Variants in NAALADL2 observed in about 807,000 individuals in gnomAD.
NAALADL2 encodes the protein inactive N-acetylated-alpha-linked acidic dipeptidase-like protein 2.
A neutral mutation model predicts 87.2 loss-of-function variants in NAALADL2; 76 were observed. The ratio of observed to expected loss-of-function variants is 0.87; its 90% CI spans 0.72 to 1.05. The LOEUF is 1.05. Among genes scored for constraint, NAALADL2 ranks in the 50% least tolerant of loss-of-function variants. The pLI is 0.00. For missense variants in NAALADL2, 1,089 were observed against 945.8 expected (o/e 1.15, Z -1.99); for synonymous variants, 354 against 331.0 (o/e 1.07, Z -0.75).
At chr3:175,765,055 T>G (rs1748514237) in intron 13 of NAALADL2, among the ~76,000 whole-genome samples, 1 of 152,104 alleles carries the variant, frequency 6.6e-6, no homozygotes, top group East Asian at 1.9e-4. Context: ...TGCCTCTGAT[T>G]TCTTTAGACT....
At chr3:175,180,573 C>G (rs1736313450) in intron 2 of NAALADL2, among the ~76,000 whole-genome samples, 1 of 151,914 alleles carries the variant, frequency 6.6e-6, no homozygotes, top group African/African-American at 2.4e-5. Flanking sequence ...CACACTGTAT[C>G]TCTCTATTAG....
At chr3:174,728,606 A>T (rs138694712) in intron 2 of NAALADL2, among the ~76,000 whole-genome samples, 39 of 151,902 alleles carry the variant, frequency 2.6e-4, no homozygotes, top group African/African-American at 9.2e-4. Context: ...GAGTTACTTG[A>T]TTTTTAGTCC....
intron 12 of NAALADL2, among the ~76,000 whole-genome samples, chr3:175,753,622 G>A (rs1230247775): frequency 6.6e-6 from 1 of 152,064 alleles, no homozygotes; most frequent in African/African-American, 2.4e-5. Flanking sequence ...TCACCTCTCT[G>A]TAATTTTTCT....
chr3:174,815,910 T>C (rs1284894240), intron 3 of NAALADL2, among the ~76,000 whole-genome samples: 1 of 150,190 alleles, frequency 6.7e-6, no homozygotes, highest in African/African-American at 2.4e-5. Flanking sequence ...AACACCTTTG[T>C]GACCTCATTT....
intron 3 of NAALADL2, among the ~76,000 whole-genome samples, chr3:174,787,077 A>T (rs1716767468): frequency 6.6e-6 from 1 of 151,926 alleles, no homozygotes; most frequent in African/African-American, 2.4e-5. Context: ...CAATATAATA[A>T]AACCAAAGCA....
At chr3:175,013,097 A>AAT (rs1750145972) in intron 1 of NAALADL2, among the ~76,000 whole-genome samples, 1 of 59,710 alleles carries the variant, frequency 1.7e-5, no homozygotes, top group African/African-American at 1.9e-4. Flanking sequence ...TTTATATATA[A>AAT]ATATACATAT....
At chr3:174,741,009 C>T (rs1733709282) in intron 3 of NAALADL2, among the ~76,000 whole-genome samples, 2 of 151,606 alleles carry the variant, frequency 1.3e-5, no homozygotes, top group African/African-American at 4.8e-5. Flanking sequence ...GGGTTCAAAC[C>T]AGTGAATAAA....
intron 5 of NAALADL2, among the ~76,000 whole-genome samples, chr3:175,353,547 T>TGA (rs1764017386): frequency 6.6e-6 from 1 of 152,160 alleles, no homozygotes; most frequent in African/African-American, 2.4e-5. Context: ...CAAACTTAGG[T>TGA]GATTTACTCA....
At chr3:174,649,527 C>T (rs1487460943) in intron 2 of NAALADL2, among the ~76,000 whole-genome samples, 1 of 151,792 alleles carries the variant, frequency 6.6e-6, no homozygotes, top group Non-Finnish European at 1.5e-5. Context: ...AGCCTATTTC[C>T]AATATTTGAA....
intron 2 of NAALADL2, among the ~76,000 whole-genome samples, chr3:175,158,538 T>C (rs894325430): frequency 6.6e-6 from 1 of 152,110 alleles, no homozygotes; most frequent in African/African-American, 2.4e-5. Flanking sequence ...TGAATGTAGT[T>C]TTGTAATCAG....
At chr3:175,674,960 T>C (rs1734561921) in intron 11 of NAALADL2, 1 of 152,220 alleles carries the variant, frequency 6.6e-6, no homozygotes, top group South Asian at 2.1e-4. Context: ...AGTATAATAC[T>C]GCTACATGCC....
Position 174,662,645 on chromosome 3 carries a change from A to G in NAALADL2, c.-114-74996A>G, listed in dbSNP as rs192195485. Among the ~76,000 whole-genome samples the G allele has an allele frequency of 3.3e-5, 5 of 152,342 alleles. No individual in the cohort carries two copies. The East Asian group carries it at 9.7e-4, about 29-fold the overall frequency. ...GAGAAATAAAAACTTTGACGTGATG[A>G]GATGGTCTGCAAGAAAACAAACAAT... On this transcript the variant is annotated intron_variant, in intron 2 of 3. Coordinates refer to the NAALADL2 transcript ENST00000434257.
At chr3:174,576,850 T>C (rs1715584057) in intron 2 of NAALADL2, among the ~76,000 whole-genome samples, 1 of 152,188 alleles carries the variant, frequency 6.6e-6, no homozygotes, top group Non-Finnish European at 1.5e-5. Flanking sequence ...ATTATGACAG[T>C]CAATTGCATT....
At chr3:174,521,001 AAAT>A (rs1485129179) in intron 1 of NAALADL2, among the ~76,000 whole-genome samples, 10 of 152,314 alleles carry the variant, frequency 6.6e-5, no homozygotes, top group Admixed American at 3.3e-4. Flanking sequence ...TACTATTAAA[AAAT>A]AAAAAAAACA....
chr3:175,686,348 G>A (rs1345548178), intron 11 of NAALADL2, among the ~76,000 whole-genome samples: 1 of 152,036 alleles, frequency 6.6e-6, no homozygotes, highest in East Asian at 1.9e-4. Flanking sequence ...TAAAATATAA[G>A]AGAAGCTGTA....
chr3:175,430,650 G>A (rs564767536), intron 5 of NAALADL2, among the ~76,000 whole-genome samples: 6 of 152,052 alleles, frequency 3.9e-5, no homozygotes, highest in South Asian at 2.1e-4. Context: ...GTCTCTACAC[G>A]TTATTATTTC....
At chr3:174,509,561 C>G (rs1404520150) in intron 1 of NAALADL2, among the ~76,000 whole-genome samples, 31 of 145,736 alleles carry the variant, frequency 2.1e-4, no homozygotes, top group Admixed American at 1.2e-3. Context: ...GCCACCACAC[C>G]CAGCTAATTT....
At chr3:175,474,863 A>G (rs996377600) in intron 9 of NAALADL2, among the ~76,000 whole-genome samples, 4 of 152,074 alleles carry the variant, frequency 2.6e-5, no homozygotes, top group African/African-American at 9.7e-5. Flanking sequence ...GTCCACTTTG[A>G]GTGGAAAATC....
chr3:174,547,592 C>T (rs1173984291), intron 1 of NAALADL2, among the ~76,000 whole-genome samples: 1 of 152,004 alleles, frequency 6.6e-6, no homozygotes, highest in Non-Finnish European at 1.5e-5. Flanking sequence ...TAAGGATTCA[C>T]ATTCTACACA....
Sources: allele counts gnomAD v4.1 joint callset (sites outside exome capture counted in the v4.1 genomes callset), GRCh38; gene constraint gnomAD v4.1.1; transcripts MANE v1.5; gene names NCBI Gene and HGNC (gene_info 2026-07-23, HGNC 2026-07-21).